Variants in SLC36A1 observed in about 807,000 individuals in gnomAD.
SLC36A1 encodes the protein solute carrier family 36 member 1, also known as proton-coupled amino acid transporter 1.
A neutral mutation model predicts 47.5 loss-of-function variants in SLC36A1; 30 were observed. That is an observed-to-expected ratio of 0.63 (90% CI 0.47 to 0.86). The LOEUF is 0.86. Ranked by LOEUF, SLC36A1 falls within the 40% of genes least tolerant of loss-of-function variation. The pLI is 0.00. For synonymous variants in SLC36A1, 255 were observed against 249.7 expected (o/e 1.02, Z -0.20); for missense variants, 517 against 606.0 (o/e 0.85, Z 1.54).
chr5:151,520,687 A>G, the SLC36A1 span, among the ~76,000 whole-genome samples: 2 of 152,232 alleles, frequency 1.3e-5, no homozygotes, highest in African/African-American at 2.4e-5. Flanking sequence ...ATGGGAAACT[A>G]AAAAGCTCAG....
chr5:151,525,075 C>T, the SLC36A1 span, among the ~76,000 whole-genome samples: 2 of 152,220 alleles, frequency 1.3e-5, no homozygotes, highest in Admixed American at 6.5e-5. Context: ...TGCAAATGGC[C>T]TCGCATGTAG....
At chr5:151,468,299 T>TAA (rs1416496652) in intron 7 of SLC36A1, among the ~76,000 whole-genome samples, 31 of 72,502 alleles carry the variant, frequency 4.3e-4, no homozygotes, top group African/African-American at 1.3e-3. Flanking sequence ...ATATATTTTA[T>TAA]ATATATATAT....
the SLC36A1 span, among the ~76,000 whole-genome samples, chr5:151,397,713 G>A: frequency 7.9e-6 from 1 of 126,422 alleles, no homozygotes; most frequent in Non-Finnish European, 1.6e-5. Flanking sequence ...GCAGTGAGCT[G>A]AGATCACGCC....
chr5:151,535,413 T>C, the SLC36A1 span, among the ~76,000 whole-genome samples: 12 of 152,042 alleles, frequency 7.9e-5, no homozygotes, highest in Non-Finnish European at 1.6e-4. Flanking sequence ...GGGGAAATAA[T>C]GCTGACATCA....
At chr5:151,552,459 A>G in the SLC36A1 span, among the ~76,000 whole-genome samples, 1 of 152,238 alleles carries the variant, frequency 6.6e-6, no homozygotes, top group South Asian at 2.1e-4. Flanking sequence ...AAACTGTACC[A>G]GGACTCCATG....
At chr5:151,519,859 C>T in the SLC36A1 span, among the ~76,000 whole-genome samples, 6 of 152,194 alleles carry the variant, frequency 3.9e-5, no homozygotes, top group Admixed American at 1.3e-4. Flanking sequence ...GAATTAAATG[C>T]CAATTCTAGG....
chr5:151,542,504 C>T, the SLC36A1 span: 2 of 1,614,188 alleles, frequency 1.2e-6, no homozygotes, highest in East Asian at 2.2e-5. Flanking sequence ...TAGGCCACCA[C>T]ATGAAAATGA....
chr5:151,448,041 A>G lies in SLC36A1; in HGVS notation c.-6+228A>G, dbSNP rs1753085310. On this transcript the variant is annotated intron_variant, in intron 1 of 10. Coordinates refer to ENST00000243389, the MANE Select transcript of SLC36A1 (RefSeq NM_078483.4). ...GTGAAGATAACCCAAAGGACCATCT[A>G]GGGCGTCTTTCACGCTTCGCACAGG... Among the ~76,000 whole-genome samples, 6 of 152,194 alleles carry G rather than the reference A, an allele frequency of 3.9e-5. No homozygotes were observed. In the South Asian group the frequency reaches 1.0e-3, roughly 26 times the overall value.
intron 1 of SLC36A1, among the ~76,000 whole-genome samples, chr5:151,457,298 G>A (rs1469925856): frequency 6.6e-6 from 1 of 151,966 alleles, no homozygotes; most frequent in Non-Finnish European, 1.5e-5. Context: ...CATCTTTAAA[G>A]TAAGGGGCTT....
the SLC36A1 span, chr5:151,347,202 T>G: frequency 6.8e-7 from 1 of 1,469,664 alleles, no homozygotes; most frequent in African/African-American, 1.4e-5. Context: ...ATCTGCACAG[T>G]GGGTTGAGGG....
At chr5:151,386,583 T>C in the SLC36A1 span, among the ~76,000 whole-genome samples, 1 of 152,228 alleles carries the variant, frequency 6.6e-6, no homozygotes, top group Admixed American at 6.5e-5. Flanking sequence ...ACCATCCCTC[T>C]CACTGCATGG....
the SLC36A1 span, among the ~76,000 whole-genome samples, chr5:151,426,299 G>A: frequency 6.6e-5 from 10 of 151,894 alleles, no homozygotes; most frequent in African/African-American, 1.7e-4. Context: ...GAGGACCTGC[G>A]CCAGCACTGG....
the SLC36A1 span, among the ~76,000 whole-genome samples, chr5:151,555,962 G>T: frequency 5.6e-3 from 849 of 152,292 alleles, 3 homozygotes; most frequent in Middle Eastern, 0.01. Context: ...AGATCTAGAA[G>T]ACAAAGGTCT....
the SLC36A1 span, chr5:151,553,452 G>A: frequency 1.4e-6 from 2 of 1,444,814 alleles, no homozygotes; most frequent in South Asian, 2.4e-5. Context: ...CAAGCAGCCA[G>A]GACAGGAACC....
chr5:151,521,214 T>A, the SLC36A1 span: 1 of 1,506,172 alleles, frequency 6.6e-7, no homozygotes, highest in East Asian at 2.3e-5. Context: ...ATCTCCATGC[T>A]TAGAGTCAGG....
chr5:151,457,218 A>G (rs1330170984), intron 1 of SLC36A1, among the ~76,000 whole-genome samples: 1 of 151,946 alleles, frequency 6.6e-6, no homozygotes, highest in Non-Finnish European at 1.5e-5. Context: ...GGGTCAGGAG[A>G]TAACGTTTTC....
chr5:151,471,302 A>G (rs1757282722), intron 7 of SLC36A1, among the ~76,000 whole-genome samples: 1 of 152,246 alleles, frequency 6.6e-6, no homozygotes, highest in African/African-American at 2.4e-5. Context: ...ATATGTTAAT[A>G]ACGAGCTGAT....
intron 10 of SLC36A1, among the ~76,000 whole-genome samples, chr5:151,481,924 G>C (rs1758852708): frequency 6.6e-6 from 1 of 152,166 alleles, no homozygotes; most frequent in African/African-American, 2.4e-5. Context: ...GGAGTTGTAG[G>C]ATCAACGGTT....
the SLC36A1 span, chr5:151,540,606 A>C: frequency 6.2e-7 from 1 of 1,614,034 alleles, no homozygotes; most frequent in Non-Finnish European, 8.5e-7. Flanking sequence ...CGTCCAGGAC[A>C]AAGATCTCCA....
Sources: allele counts gnomAD v4.1 joint callset (sites outside exome capture counted in the v4.1 genomes callset), GRCh38; gene constraint gnomAD v4.1.1; transcripts MANE v1.5; gene names NCBI Gene and HGNC (gene_info 2026-07-23, HGNC 2026-07-21).